SYT6: variants seen among roughly 807,000 people sequenced by gnomAD.
The protein encoded by SYT6 is synaptotagmin 6, also known as synaptotagmin-6.
SYT6 carries 24 observed loss-of-function variants against 38.4 expected under a neutral mutation model. The observed-to-expected ratio is 0.62, with a 90% CI of 0.45 to 0.88. The LOEUF (loss-of-function observed/expected upper bound fraction) is 0.88, where lower values mean the gene tolerates loss of function less well. Ranked by LOEUF, SYT6 falls within the 40% of genes least tolerant of loss-of-function variation. The pLI is 0.00. For synonymous variants in SYT6, 265 were observed against 241.9 expected (o/e 1.10, Z -0.89); for missense variants, 611 against 621.0 (o/e 0.98, Z 0.17).
chr1:114,132,192 G>A (rs566066725), intron 3 of SYT6, among the ~76,000 whole-genome samples: 14 of 152,306 alleles, frequency 9.2e-5, no homozygotes, highest in Admixed American at 3.9e-4. Flanking sequence ...AATGACCAGC[G>A]CATCCCAGTA....
chr1:114,135,519 ATG>A (rs1336171103), intron 3 of SYT6, among the ~76,000 whole-genome samples: 29 of 65,298 alleles, frequency 4.4e-4, no homozygotes, highest in African/African-American at 1.3e-3. Context: ...GTTGAGGATG[ATG>A]AGGATGATGG....
rs139763592 is a variant in SYT6 at position 114,108,836 on chromosome 1, C to T, written c.1072-5115G>A. Reference sequence around the variant, plus strand: ...CTAAGCAAAGCAAGAACAATGCTTCCCCATTTCTTACAGAGCACTTCTAGT... The same window carrying T: ...CTAAGCAAAGCAAGAACAATGCTTCTCCATTTCTTACAGAGCACTTCTAGT... On this transcript the variant is annotated intron_variant, in intron 3 of 7. Transcript: ENST00000610222. Among the ~76,000 whole-genome samples the T allele has an allele frequency of 5.6e-3, 853 of 152,280 alleles. 3 individuals carry two copies. The highest frequency in any genetic ancestry group is 0.019 in the African/African-American group (808 of 41,554).
chr1:114,124,826 C>T (rs1677630647), intron 3 of SYT6, among the ~76,000 whole-genome samples: 1 of 152,184 alleles, frequency 6.6e-6, no homozygotes, highest in Non-Finnish European at 1.5e-5. Flanking sequence ...CACATGCAAC[C>T]GGCTGGCCCA....
chr1:114,103,964 A>C (rs1311666481), intron 3 of SYT6, among the ~76,000 whole-genome samples: 1 of 152,156 alleles, frequency 6.6e-6, no homozygotes, highest in Non-Finnish European at 1.5e-5. Context: ...TGTCAACCAC[A>C]TTCTGACCCT....
intron 3 of SYT6, among the ~76,000 whole-genome samples, chr1:114,108,153 T>G (rs1323062973): frequency 1.3e-5 from 2 of 152,200 alleles, no homozygotes; most frequent in Admixed American, 6.5e-5. Context: ...TCTGGAGAAA[T>G]CTGTCCTTTA....
At chr1:114,124,365 G>C (rs1407792822) in intron 3 of SYT6, among the ~76,000 whole-genome samples, 1 of 152,144 alleles carries the variant, frequency 6.6e-6, no homozygotes, top group Admixed American at 6.5e-5. Context: ...AGCTACACCT[G>C]GGGATGGGGC....
At chr1:114,140,850 A>G (rs930915129) in intron 1 of SYT6, among the ~76,000 whole-genome samples, 14 of 152,168 alleles carry the variant, frequency 9.2e-5, no homozygotes, top group Admixed American at 4.6e-4. Context: ...TTCTCACATT[A>G]TTTCAAACTT....
intron 6 of SYT6, among the ~76,000 whole-genome samples, chr1:114,095,061 A>G (rs1161616459): frequency 6.6e-6 from 1 of 152,240 alleles, no homozygotes; most frequent in Non-Finnish European, 1.5e-5. Flanking sequence ...GACGAGTGTC[A>G]TTTTTAGCTT....
intron 4 of SYT6, among the ~76,000 whole-genome samples, chr1:114,100,890 G>A (rs60166614): frequency 0.025 from 3,735 of 152,218 alleles, 141 homozygotes; most frequent in African/African-American, 0.085. Context: ...AGGTTGCTCA[G>A]GTGCCGCCTC....
intron 3 of SYT6, among the ~76,000 whole-genome samples, chr1:114,135,431 C>T (rs1393687075): frequency 6.6e-6 from 1 of 152,142 alleles, no homozygotes; most frequent in African/African-American, 2.4e-5. Context: ...CTGTTTTCTA[C>T]CCCAGCCCCA....
At chr1:114,148,667 T>A (rs1355838307) in intron 1 of SYT6, among the ~76,000 whole-genome samples, 2 of 109,880 alleles carry the variant, frequency 1.8e-5, no homozygotes, top group Non-Finnish European at 3.6e-5. Flanking sequence ...ACTAATAATA[T>A]CATTTATTTA....
intron 3 of SYT6, among the ~76,000 whole-genome samples, chr1:114,111,939 C>T (rs1053604599): frequency 5.3e-5 from 8 of 152,106 alleles, no homozygotes; most frequent in Admixed American, 2.6e-4. Flanking sequence ...TTCCCTGCTC[C>T]GCCTCAGGCC....
intron 3 of SYT6, among the ~76,000 whole-genome samples, chr1:114,132,885 T>C (rs868815436): frequency 1.3e-5 from 2 of 152,168 alleles, no homozygotes; most frequent in African/African-American, 4.8e-5. Context: ...ATGTCAAACC[T>C]GAGGCACAGT....
In SYT6 at chr1:114,090,006, G is replaced by A. The variant is rs77246229; in HGVS notation, c.*2128C>T. On this transcript the variant is annotated 3_prime_UTR_variant, in exon 8 of 8. Transcript: ENST00000610222. ...AATGGGTTATACTCACCTGCCTAAG[G>A]GTTTAACGATGACAGCTGGACATGA... is the stretch of plus-strand genomic sequence containing the variant. 1 of 152,444 alleles carries A rather than the reference G, an allele frequency of 6.6e-6. No individual in the cohort carries two copies. Among genetic ancestry groups the A allele is most frequent in the African/African-American group, 2.4e-5 (1 of 41,554 alleles). 9.4% of individuals were successfully genotyped at this position (152,444 alleles called of 1,614,324 possible). A position where few individuals can be genotyped will look rare whatever the true frequency, so the allele number is the denominator to read the frequency against.
At chr1:114,145,016 G>T (rs1040441639) in intron 1 of SYT6, among the ~76,000 whole-genome samples, 3 of 152,138 alleles carry the variant, frequency 2.0e-5, no homozygotes, top group Non-Finnish European at 4.4e-5. Flanking sequence ...GCTGGAGGTA[G>T]TCCTTCACCT....
intron 3 of SYT6, among the ~76,000 whole-genome samples, chr1:114,122,265 C>G (rs1272210763): frequency 6.6e-6 from 1 of 152,202 alleles, no homozygotes; most frequent in Non-Finnish European, 1.5e-5. Flanking sequence ...TATAATCACA[C>G]TTAAGGTTAT....
chr1:114,153,540 CG>C (rs1679554568), intron 1 of SYT6, 69 bp downstream of exon 1: 1 of 566,270 alleles, frequency 1.8e-6, no homozygotes, highest in Admixed American at 3.7e-5. Flanking sequence ...CTCCTGGGAC[CG>C]GGGCTTTGGG....
intron 3 of SYT6, among the ~76,000 whole-genome samples, chr1:114,108,753 C>G (rs767659664): frequency 4.2e-4 from 64 of 152,334 alleles, no homozygotes; most frequent in Non-Finnish European, 6.0e-4. Context: ...AGTCATGTTT[C>G]CTCCTGAATA....
intron 3 of SYT6, among the ~76,000 whole-genome samples, chr1:114,127,177 C>A (rs1557753991): frequency 6.6e-6 from 1 of 152,170 alleles, no homozygotes; most frequent in Non-Finnish European, 1.5e-5. Context: ...AGCTACAGGT[C>A]CTAATTTTGG....
Sources: gnomAD v4.1 joint callset for allele counts (sites outside exome capture counted in the v4.1 genomes callset) on GRCh38, gnomAD v4.1.1 for gene constraint, MANE v1.5 for transcripts, NCBI Gene and HGNC (gene_info 2026-07-23, HGNC 2026-07-21) for gene names.